The following THRB variants were observed in gnomAD, a reference collection of about 807,000 sequenced individuals.
The protein encoded by THRB is nuclear receptor subfamily 1 group A member 2.
THRB carries 12 observed loss-of-function variants against 47.8 expected under a neutral mutation model. The ratio of observed to expected loss-of-function variants is 0.25; its 90% confidence interval spans 0.16 to 0.41. The LOEUF (loss-of-function observed/expected upper bound fraction) is 0.41, where lower values mean the gene tolerates loss of function less well. Among genes scored for constraint, THRB ranks in the 10% least tolerant of loss-of-function variants. The pLI is 1.00. For synonymous variants in THRB, 218 were observed against 212.2 expected (o/e 1.03, Z -0.24); for missense variants, 348 against 589.2 (o/e 0.59, Z 4.24).
chr3:24,342,931 CA>C (rs1192072384), intron 1 of THRB, among the ~76,000 whole-genome samples: 1 of 152,044 alleles, frequency 6.6e-6, no homozygotes, highest in Non-Finnish European at 1.5e-5. Context: ...GAGAGGGAAA[CA>C]GAGGTAGAGA....
At chr3:24,142,058 A>G (rs181572802) in intron 8 of THRB, among the ~76,000 whole-genome samples, 84 of 152,366 alleles carry the variant, frequency 5.5e-4, no homozygotes, top group African/African-American at 2.0e-3. Flanking sequence ...GGGATCTTTC[A>G]GAGGCTTTTT....
At chr3:24,235,739 G>A (rs2048792874) in intron 3 of THRB, among the ~76,000 whole-genome samples, 2 of 152,112 alleles carry the variant, frequency 1.3e-5, no homozygotes, top group African/African-American at 4.8e-5. Flanking sequence ...GGCCTTCAGA[G>A]AAGGACATAT....
intron 3 of THRB, among the ~76,000 whole-genome samples, chr3:24,254,118 C>CT (rs2050962605): frequency 6.8e-6 from 1 of 146,654 alleles, no homozygotes; most frequent in Admixed American, 7.1e-5. Flanking sequence ...AATCCCAGCA[C>CT]TTTGGGAGGC....
intron 1 of THRB, among the ~76,000 whole-genome samples, chr3:24,394,108 C>G (rs184873153): frequency 1.3e-5 from 2 of 152,020 alleles, no homozygotes; most frequent in Admixed American, 1.3e-4. Flanking sequence ...TGAAAATAAT[C>G]GAGGTTGTGT....
intron 1 of THRB, among the ~76,000 whole-genome samples, chr3:24,421,503 T>G (rs1184416497): frequency 6.6e-6 from 1 of 151,816 alleles, no homozygotes; most frequent in Non-Finnish European, 1.5e-5. Context: ...GTGTTGGCTG[T>G]CATTATAGTG....
intron 1 of THRB, among the ~76,000 whole-genome samples, chr3:24,342,989 G>T (rs2062777230): frequency 6.6e-6 from 1 of 152,200 alleles, no homozygotes; most frequent in Admixed American, 6.5e-5. Context: ...CAGCTTGAAA[G>T]ACTTGGTTCT....
chr3:24,248,215 G>GTA (rs1490134058), intron 3 of THRB, among the ~76,000 whole-genome samples: 1 of 152,036 alleles, frequency 6.6e-6, no homozygotes, highest in East Asian at 1.9e-4. Context: ...CTGGGTAGGA[G>GTA]TATATACAAA....
At chr3:24,222,248 G>A (rs549787746) in intron 4 of THRB, among the ~76,000 whole-genome samples, 5 of 151,940 alleles carry the variant, frequency 3.3e-5, no homozygotes, top group Admixed American at 2.6e-4. Flanking sequence ...GTGTGTGACA[G>A]GAAAAAAAAG....
chr3:24,491,268 A>T (rs2125968362), intron 1 of THRB, among the ~76,000 whole-genome samples: 1 of 152,212 alleles, frequency 6.6e-6, no homozygotes, highest in South Asian at 2.1e-4. Context: ...ATTTTGTGAA[A>T]TTTTTACTAT....
intron 2 of THRB, among the ~76,000 whole-genome samples, chr3:24,299,826 C>T (rs2056805919): frequency 7.7e-6 from 1 of 129,598 alleles, no homozygotes. Context: ...GAGTTTATAC[C>T]TTTAAATGCA....
chr3:24,363,822 C>T (rs2064249420), intron 1 of THRB, among the ~76,000 whole-genome samples: 1 of 152,078 alleles, frequency 6.6e-6, no homozygotes, highest in Non-Finnish European at 1.5e-5. Flanking sequence ...GTATTCGGCT[C>T]GTGGCAAAAT....
chr3:24,198,466 C>CTTT (rs869282949), intron 4 of THRB, among the ~76,000 whole-genome samples: 2 of 61,454 alleles, frequency 3.3e-5, no homozygotes, highest in African/African-American at 1.1e-4. Flanking sequence ...CCCCCCCCCC[C>CTTT]TTTTTTTTTT....
intron 8 of THRB, among the ~76,000 whole-genome samples, chr3:24,143,289 A>G (rs2035675460): frequency 6.6e-6 from 1 of 152,208 alleles, no homozygotes; most frequent in Admixed American, 6.5e-5. Flanking sequence ...AATTCAGCAA[A>G]TCACAAAGTA....
chr3:24,269,743 A>T (rs758664431), intron 3 of THRB, among the ~76,000 whole-genome samples: 2 of 151,740 alleles, frequency 1.3e-5, no homozygotes, highest in African/African-American at 2.4e-5. Flanking sequence ...GCCTTAAGTT[A>T]TTTCTGATTA....
chr3:24,487,851 T>C (rs565386216), intron 1 of THRB, among the ~76,000 whole-genome samples: 1 of 152,344 alleles, frequency 6.6e-6, no homozygotes, highest in South Asian at 2.1e-4. Flanking sequence ...CCAAGAAACA[T>C]TATGATTGCT....
At chr3:24,206,133 C>G (rs1172879064) in intron 4 of THRB, among the ~76,000 whole-genome samples, 7 of 152,060 alleles carry the variant, frequency 4.6e-5, no homozygotes, top group Non-Finnish European at 8.8e-5. Context: ...ATTGAACTCA[C>G]CTCTGCACCA....
intron 1 of THRB, among the ~76,000 whole-genome samples, chr3:24,444,994 C>A (rs949898326): frequency 6.6e-6 from 1 of 152,024 alleles, no homozygotes; most frequent in African/African-American, 2.4e-5. Flanking sequence ...TTAGGGGCCA[C>A]CATGTCAGAA....
At chr3:24,280,457 C>G (rs1249340557) in intron 3 of THRB, among the ~76,000 whole-genome samples, 1 of 152,080 alleles carries the variant, frequency 6.6e-6, no homozygotes, top group Non-Finnish European at 1.5e-5. Flanking sequence ...CATCAAAGAC[C>G]AAAAGTAGGT....
chr3:24,436,364 A>G (rs2070950846), intron 1 of THRB, among the ~76,000 whole-genome samples: 1 of 152,176 alleles, frequency 6.6e-6, no homozygotes, highest in African/African-American at 2.4e-5. Context: ...AGGATGACCC[A>G]GTTTACAAAC....
Sources: gnomAD v4.1 joint callset for allele counts (sites outside exome capture counted in the v4.1 genomes callset) on GRCh38, gnomAD v4.1.1 for gene constraint, MANE v1.5 for transcripts, NCBI Gene and HGNC (gene_info 2026-07-23, HGNC 2026-07-21) for gene names.